Variants in KIAA1217 observed in about 807,000 individuals in gnomAD.
KIAA1217 encodes sickle tail protein homolog.
In KIAA1217, 88 loss-of-function variants were observed where a neutral mutation model predicts 163.9. The observed-to-expected ratio is 0.54, with a 90% CI of 0.45 to 0.64. KIAA1217 has a LOEUF of 0.64. KIAA1217 is among the 30% of genes least tolerant of loss of function. KIAA1217 has a pLI of 0.00. For synonymous variants in KIAA1217, 903 were observed against 923.1 expected (o/e 0.98, Z 0.39); for missense variants, 2,372 against 2,475.0 (o/e 0.96, Z 0.88).
At chr10:24,494,868 C>G in intron 7 of KIAA1217, 1 of 573,262 alleles carries the variant, frequency 1.7e-6, no homozygotes, top group Non-Finnish European at 3.1e-6. Flanking sequence ...GCTTCATGGA[C>G]CACTCACCGT....
chr10:23,895,053 G>C (rs1841613320), intron 1 of KIAA1217, among the ~76,000 whole-genome samples: 1 of 152,090 alleles, frequency 6.6e-6, no homozygotes, highest in South Asian at 2.1e-4. Flanking sequence ...AGAAAACCTA[G>C]GCATTACCAT....
intron 2 of KIAA1217, among the ~76,000 whole-genome samples, chr10:24,032,419 G>A (rs1848226223): frequency 6.6e-6 from 1 of 152,008 alleles, no homozygotes; most frequent in East Asian, 1.9e-4. Flanking sequence ...AGTAAGTCTT[G>A]TATTTCTTGT....
At chr10:23,867,328 T>C (rs1413930669) in intron 1 of KIAA1217, among the ~76,000 whole-genome samples, 1 of 151,802 alleles carries the variant, frequency 6.6e-6, no homozygotes, top group Admixed American at 6.6e-5. Context: ...CATGTGTCTT[T>C]ATAGCAGCAT....
chr10:23,940,908 A>C (rs1281835186), intron 1 of KIAA1217, among the ~76,000 whole-genome samples: 2 of 152,220 alleles, frequency 1.3e-5, no homozygotes, highest in Non-Finnish European at 2.9e-5. Flanking sequence ...CTACTGTCAT[A>C]ACATTTCAAT....
At chr10:23,912,040 C>T (rs931191462) in intron 1 of KIAA1217, among the ~76,000 whole-genome samples, 14 of 152,104 alleles carry the variant, frequency 9.2e-5, no homozygotes, top group African/African-American at 3.4e-4. Context: ...TTCTCTTCCT[C>T]CTCTTCCATT....
intron 1 of KIAA1217, among the ~76,000 whole-genome samples, chr10:23,823,924 A>G (rs1259624453): frequency 6.6e-6 from 1 of 151,366 alleles, no homozygotes; most frequent in Non-Finnish European, 1.5e-5. Flanking sequence ...GAGGAAGAAG[A>G]GAGGGGGGGA....
chr10:24,076,388 G>A (rs1238618225), intron 2 of KIAA1217, among the ~76,000 whole-genome samples: 1 of 152,154 alleles, frequency 6.6e-6, no homozygotes, highest in Non-Finnish European at 1.5e-5. Flanking sequence ...TTTGCATTGT[G>A]GCCATGAAGA....
intron 2 of KIAA1217, among the ~76,000 whole-genome samples, chr10:24,089,981 C>T (rs913009228): frequency 1.3e-5 from 2 of 151,562 alleles, no homozygotes; most frequent in African/African-American, 2.4e-5. Flanking sequence ...TCCTGCATTG[C>T]CAAGTCAATC....
intron 1 of KIAA1217, among the ~76,000 whole-genome samples, chr10:23,948,898 C>T (rs1291145975): frequency 6.6e-6 from 1 of 152,048 alleles, no homozygotes; most frequent in Non-Finnish European, 1.5e-5. Flanking sequence ...CATGACTTAC[C>T]TATCTATAAA....
At chr10:23,729,147 G>A (rs1838333303) in intron 1 of KIAA1217, among the ~76,000 whole-genome samples, 1 of 152,028 alleles carries the variant, frequency 6.6e-6, no homozygotes, top group African/African-American at 2.4e-5. Flanking sequence ...TTTTAGTGGT[G>A]AATAATATTG....
chr10:24,182,438 T>C (rs12146292), intron 2 of KIAA1217, among the ~76,000 whole-genome samples: 22 of 144,962 alleles, frequency 1.5e-4, no homozygotes, highest in East Asian at 8.1e-4. Context: ...CAAGACTCCA[T>C]CACACACACA....
intron 4 of KIAA1217, 73 bp from the exon 5 acceptor site, chr10:24,438,313 A>T: frequency 2.0e-6 from 2 of 983,974 alleles, no homozygotes; most frequent in Non-Finnish European, 3.3e-6. Context: ...CCTGATCTTT[A>T]AGGGCAGGCT....
At chr10:23,846,987 G>A (rs889676275) in intron 1 of KIAA1217, among the ~76,000 whole-genome samples, 1 of 152,114 alleles carries the variant, frequency 6.6e-6, no homozygotes, top group Non-Finnish European at 1.5e-5. Context: ...CATCTATTGA[G>A]ATAATCATGT....
At chr10:24,337,072 A>T (rs973236042) in intron 2 of KIAA1217, among the ~76,000 whole-genome samples, 1 of 152,240 alleles carries the variant, frequency 6.6e-6, no homozygotes, top group Non-Finnish European at 1.5e-5. Context: ...GACCTCATCA[A>T]AATTTAAAAC....
chr10:24,438,435 C>T lies in KIAA1217; in HGVS notation c.802C>T (p.His268Tyr). 1.2e-6 allele frequency: 2 copies of T among 1,613,592 alleles called. No homozygotes were observed. Among genetic ancestry groups the T allele is most frequent in the East Asian group, 2.2e-5 (1 of 44,862 alleles). ...CAAAGTGTACAACAAGGATCCTGCA[C>T]ATGCGTTTAATCACACACCAAAAAC... The part of the protein sequence containing the change: ...LLKVYNKDPA[H>Y]AFNHTPKTMN... The change falls in exon 5 of 21, where the codon CAT (histidine) becomes TAT (tyrosine). Residue 268 changes from histidine (H) to tyrosine (Y), a missense_variant. His to Tyr is a moderately conservative substitution (Grantham distance 83, BLOSUM62 2). Transcript: ENST00000376454.
intron 2 of KIAA1217, among the ~76,000 whole-genome samples, chr10:24,119,201 C>T (rs2063180663): frequency 6.6e-6 from 1 of 152,106 alleles, no homozygotes; most frequent in African/African-American, 2.4e-5. Context: ...ATATCTTTTG[C>T]CTCATTTCCT....
intron 1 of KIAA1217, among the ~76,000 whole-genome samples, chr10:23,730,048 C>T (rs1430284401): frequency 6.6e-6 from 1 of 151,998 alleles, no homozygotes; most frequent in African/African-American, 2.4e-5. Flanking sequence ...ACAACAGGCG[C>T]CCACCACCAT....
intron 2 of KIAA1217, among the ~76,000 whole-genome samples, chr10:24,052,185 T>C (rs1849565979): frequency 1.3e-5 from 2 of 152,196 alleles, no homozygotes; most frequent in Admixed American, 1.3e-4. Context: ...TTGGATTTTA[T>C]CTATGTAACT....
At chr10:24,451,811 C>T (rs2132301810) in intron 5 of KIAA1217, among the ~76,000 whole-genome samples, 1 of 152,304 alleles carries the variant, frequency 6.6e-6, no homozygotes, top group East Asian at 1.9e-4. Flanking sequence ...TTGCTTTTGA[C>T]TGGGGACATA....
Sources: gnomAD v4.1 joint callset for allele counts (sites outside exome capture counted in the v4.1 genomes callset) on GRCh38, gnomAD v4.1.1 for gene constraint, MANE v1.5 for transcripts, NCBI Gene and HGNC (gene_info 2026-07-23, HGNC 2026-07-21) for gene names.